MSH3: variants seen among roughly 807,000 people sequenced by gnomAD.
The protein encoded by MSH3 is DNA mismatch repair protein Msh3.
In MSH3, 106 loss-of-function variants were observed where a neutral mutation model predicts 123.3. The observed-to-expected ratio is 0.86, with a 90% CI of 0.73 to 1.01. MSH3 has a LOEUF of 1.01. Among genes scored for constraint, MSH3 ranks in the 50% least tolerant of loss-of-function variants. The probability of loss-of-function intolerance (pLI) is 0.00; values close to 1 mark genes in which losing one functional copy is unlikely to be tolerated. For missense variants in MSH3, 1,459 were observed against 1,347.6 expected (o/e 1.08, Z -1.29); for synonymous variants, 515 against 481.4 (o/e 1.07, Z -0.91).
chr5:80,752,716 A>G (rs1743858796), intron 12 of MSH3, among the ~76,000 whole-genome samples: 1 of 152,176 alleles, frequency 6.6e-6, no homozygotes, highest in African/African-American at 2.4e-5. Flanking sequence ...GAAGGTAGCC[A>G]TGGTCTTTAG....
chr5:80,780,746 A>C (rs1372724110), intron 17 of MSH3, among the ~76,000 whole-genome samples: 1 of 152,126 alleles, frequency 6.6e-6, no homozygotes, highest in Non-Finnish European at 1.5e-5. Context: ...ATGTACCTGT[A>C]ATCCCACGTA....
intron 20 of MSH3, among the ~76,000 whole-genome samples, chr5:80,851,178 T>G (rs1179686730): frequency 1.3e-5 from 2 of 151,426 alleles, no homozygotes; most frequent in Non-Finnish European, 2.9e-5. Context: ...TTTGTACATG[T>G]ATTTCTTCAT....
intron 20 of MSH3, among the ~76,000 whole-genome samples, chr5:80,835,097 C>T (rs143857406): frequency 1.3e-5 from 2 of 152,330 alleles, no homozygotes; most frequent in South Asian, 4.1e-4. Flanking sequence ...CAGACAAGCT[C>T]TTCCCTTCTG....
chr5:80,709,300 A>G (rs944083211), intron 8 of MSH3, among the ~76,000 whole-genome samples: 1 of 151,646 alleles, frequency 6.6e-6, no homozygotes, highest in East Asian at 1.9e-4. Flanking sequence ...ATATTGCACA[A>G]CTGGTACAAT....
Position 80,741,502 on chromosome 5 carries a change from C to T in MSH3, c.1607C>T (p.Thr536Ile), listed in dbSNP as rs780858508. Residue 536 changes from threonine to isoleucine, a missense_variant, in exon 11 of 24, where the codon ACA becomes ATA. Thr to Ile is a moderately conservative substitution (Grantham distance 89). Coordinates refer to ENST00000265081, the MANE Select transcript of MSH3 (RefSeq NM_002439.5). ...CTATCAAGTAAAATGGAATTTATGACAATTAATGGAACAACATTAAGGAAT... is the reference window on the plus strand; with the variant it reads ...CTATCAAGTAAAATGGAATTTATGATAATTAATGGAACAACATTAAGGAAT... ...KQLSSKMEFM[T>I]INGTTLRNLE... 4 of 1,607,284 alleles carry T rather than the reference C, an allele frequency of 2.5e-6. 1 individual carries two copies. In the African/African-American group the frequency reaches 5.4e-5, roughly 21 times the overall value.
At chr5:80,824,807 CTA>C (rs1745264930) in intron 20 of MSH3, among the ~76,000 whole-genome samples, 1 of 152,174 alleles carries the variant, frequency 6.6e-6, no homozygotes, top group African/African-American at 2.4e-5. Flanking sequence ...ACATATTTCT[CTA>C]TCAGTTTATA....
At chr5:80,789,558 A>G (rs558534996) in intron 18 of MSH3, among the ~76,000 whole-genome samples, 2 of 152,134 alleles carry the variant, frequency 1.3e-5, no homozygotes, top group African/African-American at 4.8e-5. Context: ...TTTGGTAGAG[A>G]TGGGGTTTTA....
rs1343560420 is a variant in MSH3, at chr5:80,692,560, ACATG to A, written c.1340+13468_1340+13471del. 6.0e-4 allele frequency among the ~76,000 whole-genome samples: 87 copies of A among 144,524 alleles called. 1 individual carries two copies. The highest frequency in any genetic ancestry group is 3.4e-3 in the East Asian group (16 of 4,656). 94.8% of individuals were successfully genotyped at this position (144,524 alleles called of 152,430 possible). The stretch of plus-strand genomic sequence containing the variant: ...TGTATATGTTTATATAGAGAGATAA[ACATG>A]TATATGTTTATATAGAGAGATAAAC... On this transcript the variant is annotated intron_variant, in intron 8 of 23. Transcript: ENST00000265081.
chr5:80,740,257 A>G (rs1743586693), intron 10 of MSH3, among the ~76,000 whole-genome samples: 1 of 152,186 alleles, frequency 6.6e-6, no homozygotes, highest in Non-Finnish European at 1.5e-5. Flanking sequence ...ATAGATACTG[A>G]GACAATAAGG....
At chr5:80,677,631 G>A (rs1363811294) in intron 7 of MSH3, among the ~76,000 whole-genome samples, 8 of 152,176 alleles carry the variant, frequency 5.3e-5, no homozygotes. Context: ...AGATCCCTGG[G>A]TGTCCATTCC....
chr5:80,842,346 C>T (rs928471066), intron 20 of MSH3, among the ~76,000 whole-genome samples: 15 of 152,124 alleles, frequency 9.9e-5, no homozygotes, highest in African/African-American at 3.4e-4. Flanking sequence ...CATGATGCCT[C>T]CAGCTTTGTT....
intron 17 of MSH3, among the ~76,000 whole-genome samples, chr5:80,785,506 G>T (rs1318688001): frequency 6.6e-6 from 1 of 152,134 alleles, no homozygotes; most frequent in Non-Finnish European, 1.5e-5. Context: ...TACACTGTTG[G>T]TGGGACTGTA....
At chr5:80,855,386 C>G in intron 21 of MSH3, 1 of 152,012 alleles carries the variant, frequency 6.6e-6, no homozygotes, top group Non-Finnish European at 1.5e-5. Context: ...ATGTATTTTT[C>G]TTTAACCTTT....
intron 8 of MSH3, among the ~76,000 whole-genome samples, chr5:80,707,442 G>A (rs1054518458): frequency 1.3e-5 from 2 of 152,164 alleles, no homozygotes; most frequent in African/African-American, 4.8e-5. Context: ...AAACAGCCAG[G>A]CCAGGCACAG....
Position 80,679,002 on chromosome 5 carries a change from C to T in MSH3, c.1249C>T (p.Arg417Trp), listed in dbSNP as rs143211109. The T allele has an allele frequency of 4.3e-5, 69 of 1,614,064 alleles. No individual in the cohort carries two copies. Among genetic ancestry groups the T allele is most frequent in the African/African-American group, 2.5e-4 (19 of 75,010 alleles). Residue 417 changes from arginine (R) to tryptophan (W), a missense_variant, in exon 8 of 24, where the codon CGG (arginine) becomes TGG (tryptophan). Transcript: ENST00000265081. ...TGCTTCTCGTTCAGAGCTAGAAACCCGGATGTCAAGCCTGCAGCCAGTAGA... is the reference window on the plus strand; with the variant it reads ...TGCTTCTCGTTCAGAGCTAGAAACCTGGATGTCAAGCCTGCAGCCAGTAGA... ...DSASRSELET[R>W]MSSLQPVELL...
At chr5:80,680,362 G>GA (rs924677861) in intron 8 of MSH3, among the ~76,000 whole-genome samples, 13 of 150,506 alleles carry the variant, frequency 8.6e-5, no homozygotes, top group African/African-American at 2.9e-4. Context: ...AATTTCTTTC[G>GA]AAGTAGCTTT....
chr5:80,784,246 T>A (rs857285), intron 17 of MSH3, among the ~76,000 whole-genome samples: 88,827 of 99,394 alleles, frequency 0.89, 39,731 homozygotes, highest in East Asian at 0.97. Flanking sequence ...AAAAGGGAAA[T>A]AAATAAATAA....
intron 20 of MSH3, among the ~76,000 whole-genome samples, chr5:80,825,647 T>G (rs1468744621): frequency 6.6e-6 from 1 of 152,228 alleles, no homozygotes. Context: ...TTTCATGATC[T>G]CCAAGGAGGC....
intron 19 of MSH3, among the ~76,000 whole-genome samples, chr5:80,809,563 C>T (rs1744970091): frequency 2.0e-5 from 3 of 152,110 alleles, no homozygotes; most frequent in African/African-American, 7.2e-5. Context: ...TTCCATTGGT[C>T]CCTCTCATGT....
Sources: gnomAD v4.1 joint callset for allele counts (sites outside exome capture counted in the v4.1 genomes callset) on GRCh38, gnomAD v4.1.1 for gene constraint, MANE v1.5 for transcripts, NCBI Gene and HGNC (gene_info 2026-07-23, HGNC 2026-07-21) for gene names.